RPH3A: variants seen among roughly 807,000 people sequenced by gnomAD.
RPH3A encodes rabphilin 3A, also known as rabphilin-3A.
In RPH3A, 48 loss-of-function variants were observed where a neutral mutation model predicts 102.2. That is an observed-to-expected ratio of 0.47 (90% confidence interval 0.37 to 0.60). The LOEUF is 0.60. RPH3A is among the 20% of genes least tolerant of loss of function. RPH3A has a pLI of 0.00. For missense variants in RPH3A, 781 were observed against 910.1 expected (o/e 0.86, Z 1.83); for synonymous variants, 310 against 324.3 (o/e 0.96, Z 0.47).
At chr12:112,829,583 T>C (rs1414910770) in intron 3 of RPH3A, among the ~76,000 whole-genome samples, 3 of 152,224 alleles carry the variant, frequency 2.0e-5, no homozygotes, top group African/African-American at 7.2e-5. Flanking sequence ...ACAAAGGCTT[T>C]TTAGCAAAAA....
intron 2 of RPH3A, among the ~76,000 whole-genome samples, chr12:112,815,044 T>C (rs2136127688): frequency 6.6e-6 from 1 of 152,292 alleles, no homozygotes; most frequent in Admixed American, 6.5e-5. Context: ...GGAGAGGTCC[T>C]CCTGACAAAA....
chr12:112,713,049 C>CT (rs1555203989), intron 1 of RPH3A, among the ~76,000 whole-genome samples: 3,819 of 68,052 alleles, frequency 0.056, 525 homozygotes, highest in East Asian at 0.36. Context: ...TCTTCTTCTT[C>CT]TCCTTCTTCT....
chr12:112,808,951 A>C (rs552331000), intron 2 of RPH3A, among the ~76,000 whole-genome samples: 13 of 152,304 alleles, frequency 8.5e-5, no homozygotes, highest in African/African-American at 2.2e-4. Context: ...CTTTAGCAAT[A>C]TAGCCATACC....
intron 2 of RPH3A, among the ~76,000 whole-genome samples, chr12:112,825,598 C>T (rs2041854610): frequency 6.6e-6 from 1 of 152,132 alleles, no homozygotes; most frequent in Admixed American, 6.6e-5. Flanking sequence ...AGAACGGAAG[C>T]CTGGCTGAGT....
chr12:112,810,242 G>A (rs936938304), intron 2 of RPH3A, among the ~76,000 whole-genome samples: 2 of 152,032 alleles, frequency 1.3e-5, no homozygotes, highest in African/African-American at 2.4e-5. Flanking sequence ...TGAAAGATGG[G>A]AACCCTCCTA....
Position 112,648,570 on chromosome 12 carries a change from C to CAA in RPH3A, c.-140+73278_-140+73279dup, listed in dbSNP as rs1167121829. On this transcript the variant is annotated intron_variant, in intron 1 of 21. Coordinates refer to the RPH3A transcript ENST00000543106. ...GCAACAGAGTGAAACCCCATCTCTA[C>CAA]AAAAAAAAAAAAAAAAAAAAAAAAA... is the stretch of plus-strand genomic sequence containing the variant. Among the ~76,000 whole-genome samples, 17 of 11,044 alleles carry CAA rather than the reference C, an allele frequency of 1.5e-3. 5 individuals are homozygous for CAA. The highest frequency in any genetic ancestry group is 2.0e-3 in the Non-Finnish European group (13 of 6,592). The allele number at this position is 11,044 out of a possible 152,430, so 7.2% of individuals were successfully genotyped here. A position where few individuals can be genotyped will look rare whatever the true frequency, so the allele number is the denominator to read the frequency against.
chr12:112,693,009 C>T (rs1043571826), intron 1 of RPH3A, among the ~76,000 whole-genome samples: 14 of 152,098 alleles, frequency 9.2e-5, no homozygotes, highest in Non-Finnish European at 2.1e-4. Context: ...ATGACAAGAC[C>T]CGGGAAGGAC....
At chr12:112,843,388 G>A (rs2042178198) in intron 4 of RPH3A, among the ~76,000 whole-genome samples, 1 of 152,182 alleles carries the variant, frequency 6.6e-6, no homozygotes, top group African/African-American at 2.4e-5. Flanking sequence ...TCAACTATGT[G>A]TTCTGGAGCA....
At chr12:112,876,993 A>G (rs1341385790) in intron 13 of RPH3A, 127 bp downstream of exon 13, 4 of 550,724 alleles carry the variant, frequency 7.3e-6, no homozygotes, top group Non-Finnish European at 9.0e-6. Flanking sequence ...CCTAATAAAC[A>G]TATTAACCAA....
intron 1 of RPH3A, among the ~76,000 whole-genome samples, chr12:112,660,310 C>T (rs376323067): frequency 1.1e-4 from 17 of 152,052 alleles, no homozygotes; most frequent in African/African-American, 3.6e-4. Flanking sequence ...ATATTTGTAA[C>T]TCCCTTATCT....
At chr12:112,664,066 G>A (rs1051344407) in intron 1 of RPH3A, among the ~76,000 whole-genome samples, 2 of 152,168 alleles carry the variant, frequency 1.3e-5, no homozygotes, top group Non-Finnish European at 2.9e-5. Context: ...CAGTTGCCAA[G>A]GGGAATAGTT....
At chr12:112,875,031 C>CTGTG (rs775440420) in intron 10 of RPH3A, 53 bp from the exon 11 acceptor site, 9 of 1,392,062 alleles carry the variant, frequency 6.5e-6, no homozygotes, top group East Asian at 2.5e-5. Flanking sequence ...CTCCTTCCTG[C>CTGTG]TGTGTGTGTG....
intron 1 of RPH3A, among the ~76,000 whole-genome samples, chr12:112,662,404 G>A (rs545686764): frequency 6.6e-5 from 10 of 152,274 alleles, no homozygotes; most frequent in African/African-American, 2.4e-4. Flanking sequence ...TCCATCCTGT[G>A]AGAAAAGTAT....
At chr12:112,847,131 G>T (rs967742245) in intron 4 of RPH3A, among the ~76,000 whole-genome samples, 3 of 152,190 alleles carry the variant, frequency 2.0e-5, no homozygotes, top group Non-Finnish European at 4.4e-5. Flanking sequence ...ATTAGGTAAT[G>T]TGGGCACCAA....
intron 2 of RPH3A, among the ~76,000 whole-genome samples, chr12:112,824,230 C>T (rs535080701): frequency 1.3e-5 from 2 of 152,294 alleles, no homozygotes; most frequent in South Asian, 2.1e-4. Context: ...AGCACACAGC[C>T]GTCTTGCCCT....
At chr12:112,785,352 T>G (rs1185350888) in intron 1 of RPH3A, among the ~76,000 whole-genome samples, 1 of 152,044 alleles carries the variant, frequency 6.6e-6, no homozygotes, top group African/African-American at 2.4e-5. Flanking sequence ...GATAATGCTA[T>G]GGAGGTGATG....
At chr12:112,838,450 G>A (rs1417516138) in intron 4 of RPH3A, among the ~76,000 whole-genome samples, 2 of 152,200 alleles carry the variant, frequency 1.3e-5, no homozygotes, top group Non-Finnish European at 2.9e-5. Context: ...GCTGGGCATG[G>A]GCAAAAGGTT....
chr12:112,789,574 A>C (rs912166081), upstream of RPH3A, among the ~76,000 whole-genome samples: 2 of 152,170 alleles, frequency 1.3e-5, no homozygotes, highest in African/African-American at 4.8e-5. Flanking sequence ...TGGGAATAAT[A>C]CTAGTGTCCT....
intron 3 of RPH3A, among the ~76,000 whole-genome samples, chr12:112,836,276 C>CA (rs2042049277): frequency 6.6e-6 from 1 of 152,196 alleles, no homozygotes; most frequent in Non-Finnish European, 1.5e-5. Flanking sequence ...ACTGGCTGGT[C>CA]AATTTAATCA....
Sources: allele counts gnomAD v4.1 joint callset (sites outside exome capture counted in the v4.1 genomes callset), GRCh38; gene constraint gnomAD v4.1.1; transcripts MANE v1.5; gene names NCBI Gene and HGNC (gene_info 2026-07-23, HGNC 2026-07-21).